Variants in TBCK observed in about 807,000 individuals in gnomAD.
TBCK encodes the protein TBC domain-containing protein kinase-like protein.
TBCK carries 99 observed loss-of-function variants against 113.4 expected under a neutral mutation model. The observed-to-expected ratio is 0.87, with a 90% CI of 0.74 to 1.03. The LOEUF is 1.03. Ranked by LOEUF, TBCK falls within the 50% of genes least tolerant of loss-of-function variation. The probability of loss-of-function intolerance (pLI) is 0.00; values close to 1 mark genes in which losing one functional copy is unlikely to be tolerated. For missense variants in TBCK, 1,045 were observed against 1,061.3 expected, an observed-to-expected ratio of 0.98 and a Z score of 0.21; for synonymous variants, 369 against 370.8, an observed-to-expected ratio of 1.00 and a Z score of 0.05.
chr4:106,231,081 TA>T (rs1758806328), intron 18 of TBCK, among the ~76,000 whole-genome samples: 1 of 151,608 alleles, frequency 6.6e-6, no homozygotes, highest in African/African-American at 2.4e-5. Context: ...AATCTGAAAA[TA>T]GGGAGATCTT....
chr4:106,169,456 CA>C (rs1160957622), intron 23 of TBCK, among the ~76,000 whole-genome samples: 1 of 152,012 alleles, frequency 6.6e-6, no homozygotes, highest in Non-Finnish European at 1.5e-5. Flanking sequence ...GTCTTTTTAA[CA>C]AATGTTTTTC....
At chr4:106,056,416 T>C (rs1263321091) in intron 25 of TBCK, among the ~76,000 whole-genome samples, 3 of 150,836 alleles carry the variant, frequency 2.0e-5, no homozygotes, top group Admixed American at 6.6e-5. Context: ...AGTTCTTATA[T>C]CTGTCTCTAA....
chr4:106,201,306 A>G (rs1381139461), intron 20 of TBCK, among the ~76,000 whole-genome samples: 1 of 152,042 alleles, frequency 6.6e-6, no homozygotes, highest in African/African-American at 2.4e-5. Flanking sequence ...TTAAATAATT[A>G]CTCAGGATAT....
rs935882888 is a variant in TBCK at position 106,248,986 on chromosome 4, T to C, written c.659-4A>G. On this transcript the variant is annotated splice_polypyrimidine_tract_variant and splice_region_variant and intron_variant, in intron 7 of 25. Transcript: ENST00000394708. Reference sequence around the variant, plus strand: ...ATTAAAGTGTCATCTACACAATCTATAAAACAGAAAAACTATATGAATAAA... The same window carrying C: ...ATTAAAGTGTCATCTACACAATCTACAAAACAGAAAAACTATATGAATAAA... 4 of 1,587,864 alleles carry C rather than the reference T, an allele frequency of 2.5e-6. No individual in the cohort carries two copies. Among genetic ancestry groups the C allele is most frequent in the African/African-American group, 2.7e-5 (2 of 73,494 alleles).
intron 20 of TBCK, among the ~76,000 whole-genome samples, chr4:106,202,334 GAAGA>G (rs1466483428): frequency 2.0e-5 from 3 of 151,844 alleles, no homozygotes; most frequent in Non-Finnish European, 2.9e-5. Flanking sequence ...TAAGAAAACA[GAAGA>G]ATGATGGAAT....
intron 22 of TBCK, among the ~76,000 whole-genome samples, chr4:106,173,239 C>T (rs1235631730): frequency 6.6e-6 from 1 of 152,120 alleles, no homozygotes; most frequent in Non-Finnish European, 1.5e-5. Flanking sequence ...CTTGTTATTT[C>T]ACAAAGAAAA....
chr4:106,306,968 A>T (rs1265653816), intron 2 of TBCK, among the ~76,000 whole-genome samples: 1 of 151,676 alleles, frequency 6.6e-6, no homozygotes, highest in African/African-American at 2.4e-5. Context: ...GAAAAAACAA[A>T]TTTTTTTTTA....
At chr4:106,064,205 TCTTG>T (rs139612055) in intron 25 of TBCK, among the ~76,000 whole-genome samples, 4,077 of 152,000 alleles carry the variant, frequency 0.027, 166 homozygotes, top group African/African-American at 0.093. Flanking sequence ...CAATGGCATG[TCTTG>T]CTTATTATGA....
At chr4:106,101,343 C>G (rs898066471) in intron 24 of TBCK, among the ~76,000 whole-genome samples, 4 of 152,046 alleles carry the variant, frequency 2.6e-5, no homozygotes, top group African/African-American at 9.7e-5. Flanking sequence ...TATACAAAGC[C>G]CACTCAAATA....
intron 25 of TBCK, among the ~76,000 whole-genome samples, chr4:106,068,739 G>A (rs905844016): frequency 2.9e-4 from 44 of 152,096 alleles, no homozygotes; most frequent in Non-Finnish European, 5.7e-4. Context: ...CTTCCACAAT[G>A]GTTGAACTAG....
At chr4:106,063,326 A>G (rs1736261627) in intron 25 of TBCK, among the ~76,000 whole-genome samples, 1 of 151,930 alleles carries the variant, frequency 6.6e-6, no homozygotes, top group Non-Finnish European at 1.5e-5. Flanking sequence ...CTTTAACTAA[A>G]TGCTTAAGGT....
At chr4:106,234,650 A>G (rs957163939) in intron 15 of TBCK, among the ~76,000 whole-genome samples, 43 of 152,170 alleles carry the variant, frequency 2.8e-4, no homozygotes, top group African/African-American at 9.6e-4. Flanking sequence ...ATAAGAGAAT[A>G]TAAGAAGACA....
intron 20 of TBCK, among the ~76,000 whole-genome samples, chr4:106,200,161 G>A (rs1022394477): frequency 5.3e-5 from 8 of 152,122 alleles, no homozygotes; most frequent in Admixed American, 2.0e-4. Flanking sequence ...TGCTGCTTTC[G>A]CTTGGTTTGC....
At chr4:106,139,299 G>C (rs1746914352) in intron 23 of TBCK, among the ~76,000 whole-genome samples, 1 of 141,506 alleles carries the variant, frequency 7.1e-6, no homozygotes, top group African/African-American at 2.5e-5. Flanking sequence ...GGTCTCTAAA[G>C]TACTTGTGAT....
chr4:106,180,921 G>A (rs1250329520), intron 22 of TBCK, among the ~76,000 whole-genome samples: 1 of 152,112 alleles, frequency 6.6e-6, no homozygotes, highest in Non-Finnish European at 1.5e-5. Context: ...TGGGTCAAAT[G>A]GTATTTCTAG....
At chr4:106,155,689 T>C (rs1231243137) in intron 23 of TBCK, among the ~76,000 whole-genome samples, 2 of 152,160 alleles carry the variant, frequency 1.3e-5, no homozygotes, top group Non-Finnish European at 2.9e-5. Flanking sequence ...TTCTTCAGTA[T>C]GCCAATTGCA....
intron 23 of TBCK, among the ~76,000 whole-genome samples, chr4:106,161,859 G>C (rs992333301): frequency 2.0e-5 from 3 of 152,144 alleles, no homozygotes; most frequent in African/African-American, 7.2e-5. Context: ...CAACACAAAT[G>C]CTATGATTCC....
At chr4:106,292,935 A>C (rs2125836965) in intron 3 of TBCK, among the ~76,000 whole-genome samples, 1 of 152,372 alleles carries the variant, frequency 6.6e-6, no homozygotes, top group African/African-American at 2.4e-5. Flanking sequence ...GCAAGTGAAC[A>C]CTGGGATTTC....
intron 23 of TBCK, among the ~76,000 whole-genome samples, chr4:106,151,402 A>C (rs1387301432): frequency 6.6e-6 from 1 of 151,906 alleles, no homozygotes; most frequent in Non-Finnish European, 1.5e-5. Context: ...TGTACTCTCT[A>C]TATCCATGAG....
Sources: gnomAD v4.1 joint callset for allele counts (sites outside exome capture counted in the v4.1 genomes callset) on GRCh38, gnomAD v4.1.1 for gene constraint, MANE v1.5 for transcripts, NCBI Gene and HGNC (gene_info 2026-07-23, HGNC 2026-07-21) for gene names.